NRXN3: variants seen among roughly 807,000 people sequenced by gnomAD.
The protein encoded by NRXN3 is neurexin III.
NRXN3 carries 32 observed loss-of-function variants against 137.6 expected under a neutral mutation model. The observed-to-expected ratio is 0.23, with a 90% confidence interval of 0.18 to 0.31. The LOEUF is 0.31. Among genes scored for constraint, NRXN3 ranks in the 10% least tolerant of loss-of-function variants. The pLI is 1.00. For missense variants in NRXN3, 1,574 were observed against 2,062.5 expected (o/e 0.76, Z 4.59); for synonymous variants, 798 against 784.5 (o/e 1.02, Z -0.29).
chr14:79,784,075 C>G (rs2099121933), intron 19 of NRXN3, among the ~76,000 whole-genome samples: 1 of 152,142 alleles, frequency 6.6e-6, no homozygotes, highest in African/African-American at 2.4e-5. Flanking sequence ...GGAAATGGAG[C>G]CTTGTTTAGC....
chr14:79,429,507 A>C (rs1600166128), intron 15 of NRXN3, among the ~76,000 whole-genome samples: 1 of 152,198 alleles, frequency 6.6e-6, no homozygotes, highest in Admixed American at 6.5e-5. Context: ...TAAAGGTAAA[A>C]AGAAACTGTC....
chr14:78,284,674 G>T (rs2074915829), intron 3 of NRXN3, among the ~76,000 whole-genome samples: 2 of 152,022 alleles, frequency 1.3e-5, no homozygotes, highest in Admixed American at 1.3e-4. Flanking sequence ...CTCCCTAATT[G>T]TCTTGAGGCA....
chr14:78,743,315 A>G (rs1365554011), intron 8 of NRXN3, among the ~76,000 whole-genome samples: 2 of 152,214 alleles, frequency 1.3e-5, no homozygotes, highest in Non-Finnish European at 2.9e-5. Flanking sequence ...AGAATGCTTC[A>G]TGAATTGGAT....
At chr14:79,631,901 G>C (rs1353651148) in intron 16 of NRXN3, among the ~76,000 whole-genome samples, 1 of 152,152 alleles carries the variant, frequency 6.6e-6, no homozygotes, top group Admixed American at 6.5e-5. Context: ...CTAGCTAAAG[G>C]TTTGTAAATG....
intron 15 of NRXN3, among the ~76,000 whole-genome samples, chr14:79,178,141 T>A (rs529456429): frequency 2.0e-5 from 3 of 152,170 alleles, no homozygotes; most frequent in African/African-American, 7.2e-5. Flanking sequence ...TCCACCCAGG[T>A]TTCCTGATGC....
intron 4 of NRXN3, among the ~76,000 whole-genome samples, chr14:78,346,944 G>A (rs970459329): frequency 6.6e-6 from 1 of 152,198 alleles, no homozygotes; most frequent in African/African-American, 2.4e-5. Context: ...TTTGCTGACA[G>A]CAAAGGGTGA....
At chr14:79,656,494 G>T (rs1410495860) in intron 16 of NRXN3, among the ~76,000 whole-genome samples, 2 of 152,188 alleles carry the variant, frequency 1.3e-5, no homozygotes, top group African/African-American at 4.8e-5. Flanking sequence ...GTGACTTAGA[G>T]CCGTGGTAGC....
At chr14:79,150,493 A>G (rs1283719070) in intron 15 of NRXN3, among the ~76,000 whole-genome samples, 1 of 151,954 alleles carries the variant, frequency 6.6e-6, no homozygotes, top group Non-Finnish European at 1.5e-5. Flanking sequence ...GTTCCCAAAC[A>G]GAGATCTGCA....
In NRXN3 at chr14:78,649,209, A is replaced by C. The variant is rs2097715450; in HGVS notation, c.1060-1956A>C. 2 of 1,253,296 alleles carry C rather than the reference A, an allele frequency of 1.6e-6. 1 individual carries two copies. Among genetic ancestry groups the C allele is most frequent in the Non-Finnish European group, 2.1e-6 (2 of 935,954 alleles). The allele number at this position is 1,253,296 out of a possible 1,614,324, so 77.6% of individuals were successfully genotyped here. A position where few individuals can be genotyped will look rare whatever the true frequency, so the allele number is the denominator to read the frequency against. ...ACTCATCTTTGTTTTTAGTTTTTTT[A>C]ATTAACAATCGTTCTGTTCACAATT... On this transcript the variant is annotated intron_variant, in intron 5 of 20. Coordinates refer to ENST00000335750, the MANE Select transcript of NRXN3 (RefSeq NM_001330195.2).
intron 16 of NRXN3, among the ~76,000 whole-genome samples, chr14:79,636,779 T>C (rs2153950645): frequency 6.6e-6 from 1 of 152,192 alleles, no homozygotes; most frequent in Admixed American, 6.5e-5. Context: ...GAGAAGGCCA[T>C]GGGGGGATGC....
rs112731481 is a variant in NRXN3 at position 78,209,664 on chromosome 14, G to T, written c.-703-32727G>T. ...ACTACCACGAGAACAGCATAGGGGA[G>T]CCACCCTCATGATCCAGTCACCTCC... On this transcript the variant is annotated intron_variant, in intron 1 of 20. Coordinates refer to ENST00000335750, the MANE Select transcript of NRXN3 (RefSeq NM_001330195.2). 2.6e-5 allele frequency among the ~76,000 whole-genome samples: 4 copies of T among 152,176 alleles called. 1 individual carries two copies. Among genetic ancestry groups the T allele is most frequent in the African/African-American group, 9.6e-5 (4 of 41,510 alleles).
intron 4 of NRXN3, among the ~76,000 whole-genome samples, chr14:78,552,520 GC>G (rs1165019375): frequency 3.3e-5 from 5 of 152,122 alleles, no homozygotes; most frequent in Admixed American, 2.0e-4. Flanking sequence ...AAACAACATA[GC>G]CAAGTATGAT....
chr14:78,633,056 A>G (rs2097535354), intron 4 of NRXN3, among the ~76,000 whole-genome samples: 2 of 151,852 alleles, frequency 1.3e-5, no homozygotes, highest in Admixed American at 6.6e-5. Context: ...TAACACGGTG[A>G]AACCCCATCT....
At chr14:79,709,689 T>C (rs909440898) in intron 19 of NRXN3, among the ~76,000 whole-genome samples, 1 of 152,110 alleles carries the variant, frequency 6.6e-6, no homozygotes, top group South Asian at 2.1e-4. Flanking sequence ...GAGAGACACA[T>C]ATTCATGCAC....
chr14:79,571,455 T>C (rs2097600555), intron 16 of NRXN3, among the ~76,000 whole-genome samples: 1 of 152,008 alleles, frequency 6.6e-6, no homozygotes, highest in Non-Finnish European at 1.5e-5. Flanking sequence ...ATGACTAAAA[T>C]AGGAACTGGC....
At chr14:78,502,411 C>T (rs1309738388) in intron 4 of NRXN3, among the ~76,000 whole-genome samples, 6 of 152,092 alleles carry the variant, frequency 3.9e-5, no homozygotes, top group African/African-American at 1.4e-4. Context: ...CAACACATTC[C>T]ATCACTTATC....
chr14:79,182,369 G>A (rs1035571680), intron 15 of NRXN3, among the ~76,000 whole-genome samples: 6 of 151,252 alleles, frequency 4.0e-5, no homozygotes, highest in Non-Finnish European at 7.4e-5. Flanking sequence ...TGAATGAGTC[G>A]GAGCCCTGAG....
intron 15 of NRXN3, among the ~76,000 whole-genome samples, chr14:79,458,944 T>C (rs549296685): frequency 7.2e-5 from 11 of 152,270 alleles, no homozygotes; most frequent in Admixed American, 7.2e-4. Flanking sequence ...CCAGTTGCAT[T>C]GTGAAAGGAT....
intron 15 of NRXN3, among the ~76,000 whole-genome samples, chr14:79,287,583 T>A (rs2082481638): frequency 6.6e-6 from 1 of 152,162 alleles, no homozygotes; most frequent in Admixed American, 6.5e-5. Context: ...CTTCTTTTAA[T>A]GCAATTTCTT....
Sources: allele counts gnomAD v4.1 joint callset (sites outside exome capture counted in the v4.1 genomes callset), GRCh38; gene constraint gnomAD v4.1.1; transcripts MANE v1.5; gene names NCBI Gene and HGNC (gene_info 2026-07-23, HGNC 2026-07-21).